CDCP1: variants seen among roughly 807,000 people sequenced by gnomAD.
The protein encoded by CDCP1 is CUB domain-containing protein 1.
CDCP1 carries 29 observed loss-of-function variants against 60.2 expected under a neutral mutation model. The ratio of observed to expected loss-of-function variants is 0.48; its 90% CI spans 0.36 to 0.66. CDCP1 has a LOEUF of 0.66. Ranked by LOEUF, CDCP1 falls within the 30% of genes least tolerant of loss-of-function variation. CDCP1 has a pLI of 0.00. For missense variants in CDCP1, 876 were observed against 1,074.3 expected, an observed-to-expected ratio of 0.82 and a Z score of 2.58; for synonymous variants, 387 against 431.1, an observed-to-expected ratio of 0.90 and a Z score of 1.27.
rs371285218 is a variant in CDCP1, at chr3:45,093,303, G to T, written c.1601C>A (p.Thr534Lys). The T allele has an allele frequency of 9.9e-6, 16 of 1,614,066 alleles. No homozygotes were observed. The African/African-American group carries it at 2.0e-4, about 20-fold the overall frequency. Residue 534 changes from threonine (T) to lysine (K), a missense_variant, in exon 6 of 9, where the codon ACG becomes AAG. Transcript: ENST00000296129. ...TTTGAAATAAGGTATAAAGGACACC[G>T]TCAGACCCTGCCTGGAGGCCTCTTG... ...FQQEASRQGL[T>K]VSFIPYFKEE...
chr3:45,144,986 A>G (rs576874598), intron 1 of CDCP1, among the ~76,000 whole-genome samples: 41 of 151,680 alleles, frequency 2.7e-4, no homozygotes, highest in Non-Finnish European at 4.9e-4. Flanking sequence ...CTCTACTTTA[A>G]TATATATAAT....
At chr3:45,129,607 G>A (rs1306540052) in intron 1 of CDCP1, among the ~76,000 whole-genome samples, 2 of 152,160 alleles carry the variant, frequency 1.3e-5, no homozygotes, top group East Asian at 3.9e-4. Flanking sequence ...AGGATCACAA[G>A]GATGGCTGGA....
chr3:45,093,708 C>T, intron 5 of CDCP1, 51 bp from the exon 6 acceptor site: 2 of 1,550,980 alleles, frequency 1.3e-6, no homozygotes, highest in African/African-American at 1.4e-5. Flanking sequence ...CAGAAGTGCA[C>T]CCTCCCCAGC....
chr3:45,144,633 T>G (rs570948394), intron 1 of CDCP1, among the ~76,000 whole-genome samples: 2 of 152,288 alleles, frequency 1.3e-5, no homozygotes, highest in African/African-American at 4.8e-5. Context: ...AGCAATGCCT[T>G]GATTAACACC....
At chr3:45,089,860 G>A (rs968376759) in intron 7 of CDCP1, among the ~76,000 whole-genome samples, 2 of 152,196 alleles carry the variant, frequency 1.3e-5, no homozygotes, top group Non-Finnish European at 2.9e-5. Flanking sequence ...AGAAAGCAGG[G>A]AGTCAAAAGT....
intron 4 of CDCP1, among the ~76,000 whole-genome samples, chr3:45,100,918 A>G (rs910571989): frequency 6.6e-6 from 1 of 152,206 alleles, no homozygotes; most frequent in Non-Finnish European, 1.5e-5. Flanking sequence ...AAATCAGCTG[A>G]GGCTAAATTA....
At chr3:45,131,926 T>C (rs1157674750) in intron 1 of CDCP1, among the ~76,000 whole-genome samples, 1 of 152,136 alleles carries the variant, frequency 6.6e-6, no homozygotes, top group Non-Finnish European at 1.5e-5. Flanking sequence ...AGGACTGCAT[T>C]TTTTTGGCGA....
At position 45,119,396 on chromosome 3, in the gene CDCP1, G is replaced by C. The variant is rs115679638; in HGVS notation, c.83-775C>G. On this transcript the variant is annotated intron_variant, in intron 1 of 8. Transcript: ENST00000296129. ...TAAGTGCTCTTAGACCAAGAAGGGA[G>C]AGCCACTTTCTCCTTAGCTGACACT... Among the ~76,000 whole-genome samples, 720 of 152,234 alleles carry C rather than the reference G, an allele frequency of 4.7e-3. 3 individuals carry two copies. Among genetic ancestry groups the C allele is most frequent in the African/African-American group, 0.016 (662 of 41,546 alleles).
intron 1 of CDCP1, 101 bp downstream of exon 1, chr3:45,146,105 A>G: frequency 9.1e-7 from 1 of 1,100,396 alleles, no homozygotes; most frequent in African/African-American, 1.7e-5. Context: ...CACCCTCCGC[A>G]CCCTCCGCAC....
chr3:45,112,528 T>G, intron 2 of CDCP1, 83 bp from the exon 3 acceptor site: 1 of 1,536,026 alleles, frequency 6.5e-7, no homozygotes, highest in South Asian at 1.3e-5. Context: ...CAGCCCCCTG[T>G]AGTAGACTCT....
chr3:45,097,568 T>G (rs1177002355), intron 4 of CDCP1, among the ~76,000 whole-genome samples: 1 of 150,878 alleles, frequency 6.6e-6, no homozygotes, highest in Non-Finnish European at 1.5e-5. Context: ...TGGTGCTAAC[T>G]TTGCAATTCA....
chr3:45,117,788 G>C (rs1698819148), intron 2 of CDCP1, among the ~76,000 whole-genome samples: 1 of 151,928 alleles, frequency 6.6e-6, no homozygotes, highest in African/African-American at 2.4e-5. Flanking sequence ...GTAGAGACAG[G>C]GTTTCACCAT....
chr3:45,141,379 T>C (rs1447873674), intron 1 of CDCP1, among the ~76,000 whole-genome samples: 1 of 152,252 alleles, frequency 6.6e-6, no homozygotes, highest in Non-Finnish European at 1.5e-5. Flanking sequence ...TGGTTAATTA[T>C]ACACAGGTAT....
At chr3:45,103,625 T>C (rs950022027) in intron 4 of CDCP1, among the ~76,000 whole-genome samples, 13 of 152,242 alleles carry the variant, frequency 8.5e-5, no homozygotes, top group African/African-American at 2.9e-4. Flanking sequence ...ATTAGGTTGT[T>C]AAAACAGATT....
intron 4 of CDCP1, 142 bp downstream of exon 4, chr3:45,110,331 C>T (rs1251232890): frequency 6.9e-7 from 1 of 1,449,696 alleles, no homozygotes; most frequent in African/African-American, 1.4e-5. Context: ...AACCCACTTC[C>T]TGAAACTCTT....
intron 1 of CDCP1, 30 bp downstream of exon 1, chr3:45,146,176 C>T (rs374057836): frequency 5.8e-6 from 9 of 1,561,004 alleles, no homozygotes; most frequent in African/African-American, 1.4e-5. Flanking sequence ...CACCACTCCA[C>T]GCCATCCGCC....
chr3:45,088,957 GAAGC>G (rs1698245387), intron 8 of CDCP1, 93 bp downstream of exon 8: 1 of 990,476 alleles, frequency 1.0e-6, no homozygotes, highest in African/African-American at 1.6e-5. Context: ...GAAAAAATGG[GAAGC>G]AAGAAAACAA....
At chr3:45,099,760 A>G (rs1698459468) in intron 4 of CDCP1, among the ~76,000 whole-genome samples, 1 of 151,972 alleles carries the variant, frequency 6.6e-6, no homozygotes, top group African/African-American at 2.4e-5. Context: ...TTCTGCTAAC[A>G]TATTTTTAAT....
rs1401302861 is a variant in CDCP1 at position 45,108,953 on chromosome 3, A to ATATATATATTTTTTT, written c.1024+1519_1024+1520insAAAAAAATATATATA. Among the ~76,000 whole-genome samples, 108 of 41,134 alleles carry ATATATATATTTTTTT rather than the reference A, an allele frequency of 2.6e-3. 30 individuals carry two copies. Among genetic ancestry groups the ATATATATATTTTTTT allele is most frequent in the Non-Finnish European group, 4.0e-3 (86 of 21,460 alleles). 27.0% of individuals were successfully genotyped at this position (41,134 alleles called of 152,430 possible). A position where few individuals can be genotyped will look rare whatever the true frequency, so the allele number is the denominator to read the frequency against. On this transcript the variant is annotated intron_variant, in intron 4 of 8. Coordinates refer to ENST00000296129, the MANE Select transcript of CDCP1 (RefSeq NM_022842.5). ...CATGTATACATATATATATATATAT[A>ATATATATATTTTTTT]TTTTTTTTTTTTTTGAGATGGAGTC...
Sources: gnomAD v4.1 joint callset for allele counts (sites outside exome capture counted in the v4.1 genomes callset) on GRCh38, gnomAD v4.1.1 for gene constraint, MANE v1.5 for transcripts, NCBI Gene and HGNC (gene_info 2026-07-23, HGNC 2026-07-21) for gene names.